FGF12: variants seen among roughly 807,000 people sequenced by gnomAD.
FGF12 encodes fibroblast growth factor 12B.
FGF12 carries 14 observed loss-of-function variants against 23.6 expected under a neutral mutation model. That is an observed-to-expected ratio of 0.59 (90% CI 0.39 to 0.93). The LOEUF is 0.93. Ranked by LOEUF, FGF12 falls within the 40% of genes least tolerant of loss-of-function variation. FGF12 has a pLI of 0.00. For synonymous variants in FGF12, 62 were observed against 77.3 expected, an observed-to-expected ratio of 0.80 and a Z score of 1.04; for missense variants, 175 against 217.8, an observed-to-expected ratio of 0.80 and a Z score of 1.24.
intron 2 of FGF12, among the ~76,000 whole-genome samples, chr3:192,627,298 T>C (rs1412297881): frequency 1.3e-5 from 2 of 152,028 alleles, no homozygotes; most frequent in Non-Finnish European, 2.9e-5. Flanking sequence ...ACAAATATAG[T>C]TGGAAAATAT....
intron 2 of FGF12, among the ~76,000 whole-genome samples, chr3:192,434,043 G>T (rs1049198694): frequency 1.3e-5 from 2 of 152,180 alleles, no homozygotes; most frequent in Non-Finnish European, 2.9e-5. Context: ...GCCAAAACTG[G>T]CAATGACGAA....
At position 192,437,719 on chromosome 3, in the gene FGF12, CAAA is replaced by C. The variant is rs371838869; in HGVS notation, c.14-77184_14-77182del. Among the ~76,000 whole-genome samples the C allele has an allele frequency of 7.8e-4, 98 of 125,522 alleles. 2 individuals are homozygous for C. Among genetic ancestry groups the C allele is most frequent in the African/African-American group, 3.0e-3 (90 of 29,938 alleles). 82.3% of individuals were successfully genotyped at this position (125,522 alleles called of 152,430 possible). The stretch of plus-strand genomic sequence containing the variant: ...AAACAACAACAACAAAACAAACAAA[CAAA>C]AAAAAAAACAGTGAGCAAATTACTT... On this transcript the variant is annotated intron_variant, in intron 2 of 5. Coordinates refer to ENST00000445105, the MANE Select transcript of FGF12 (RefSeq NM_004113.6).
At chr3:192,690,504 T>C (rs1717906834) in intron 2 of FGF12, among the ~76,000 whole-genome samples, 1 of 147,978 alleles carries the variant, frequency 6.8e-6, no homozygotes, top group African/African-American at 2.5e-5. Context: ...TAAAATGTTT[T>C]ACATAAGCTT....
chr3:192,511,089 T>A, intron 2 of FGF12, among the ~76,000 whole-genome samples: 1 of 152,152 alleles, frequency 6.6e-6, no homozygotes, highest in East Asian at 1.9e-4. Context: ...AGGCATCTGA[T>A]AATCCTTCAG....
intron 2 of FGF12, among the ~76,000 whole-genome samples, chr3:192,692,664 C>T (rs995124949): frequency 1.3e-5 from 2 of 150,952 alleles, no homozygotes; most frequent in Admixed American, 1.3e-4. Context: ...TAAGATCACA[C>T]CACTATAATC....
At chr3:192,625,325 A>T (rs1378932198) in intron 2 of FGF12, among the ~76,000 whole-genome samples, 1 of 152,082 alleles carries the variant, frequency 6.6e-6, no homozygotes, top group Admixed American at 6.5e-5. Context: ...GAGTCAATAG[A>T]GTGTGTTATA....
intron 2 of FGF12, among the ~76,000 whole-genome samples, chr3:192,605,554 G>C (rs1463518758): frequency 6.6e-6 from 1 of 152,038 alleles, no homozygotes; most frequent in African/African-American, 2.4e-5. Context: ...AGAGTAAACA[G>C]ACAACCTACA....
At position 192,409,077 on chromosome 3, in the gene FGF12, GGGAGGGCGCGAGGGAGGGA is replaced by G; in HGVS notation, c.14-48558_14-48540del. 1 of 767,732 alleles carries G rather than the reference GGGAGGGCGCGAGGGAGGGA, an allele frequency of 1.3e-6. No homozygotes were observed. The highest frequency in any genetic ancestry group is 1.6e-6 in the Non-Finnish European group (1 of 631,528). The allele number at this position is 767,732 out of a possible 1,614,324, so 47.6% of individuals were successfully genotyped here. A position where few individuals can be genotyped will look rare whatever the true frequency, so the allele number is the denominator to read the frequency against. On this transcript the variant is annotated intron_variant, in intron 2 of 5. Coordinates refer to ENST00000445105, the MANE Select transcript of FGF12 (RefSeq NM_004113.6). The surrounding 1 kb of genome is among the most constrained non-coding windows in gnomAD (Gnocchi z 4.8). ...AAAGAGAGCGGGAGGCGAGGGAGGG[GGGAGGGCGCGAGGGAGGGA>G]GGGAGATCCTCGAGGGCCAAGCACC... is the stretch of plus-strand genomic sequence containing the variant.
chr3:192,716,958 A>G (rs750277367), intron 2 of FGF12, among the ~76,000 whole-genome samples: 2 of 152,188 alleles, frequency 1.3e-5, no homozygotes, highest in Admixed American at 6.5e-5. Flanking sequence ...CCCAATGCTT[A>G]ATTAAGCCCC....
intron 2 of FGF12, among the ~76,000 whole-genome samples, chr3:192,387,562 A>G (rs1398824770): frequency 6.6e-6 from 1 of 152,082 alleles, no homozygotes; most frequent in African/African-American, 2.4e-5. Flanking sequence ...ACAATAACAA[A>G]ACAGTTTGGA....
At chr3:192,403,460 G>A (rs73064244) in intron 2 of FGF12, among the ~76,000 whole-genome samples, 7,153 of 151,860 alleles carry the variant, frequency 0.047, 540 homozygotes, top group African/African-American at 0.16. Context: ...AGAATGCACT[G>A]CTGTAGAGAG....
chr3:192,323,640 A>G (rs1009854508), intron 4 of FGF12, among the ~76,000 whole-genome samples: 1 of 152,230 alleles, frequency 6.6e-6, no homozygotes, highest in Non-Finnish European at 1.5e-5. Context: ...CAAACGTTTG[A>G]TAGCCCAACA....
chr3:192,620,074 C>A (rs1714914204), intron 2 of FGF12, among the ~76,000 whole-genome samples: 1 of 152,004 alleles, frequency 6.6e-6, no homozygotes, highest in African/African-American at 2.4e-5. Flanking sequence ...TATTCAAATC[C>A]CCCACAACAC....
At chr3:192,306,005 C>T (rs1217719453) in intron 4 of FGF12, among the ~76,000 whole-genome samples, 2 of 151,604 alleles carry the variant, frequency 1.3e-5, no homozygotes, top group African/African-American at 4.8e-5. Flanking sequence ...GGACTACAGG[C>T]GCCTGCCAAC....
rs575096715 is a variant in FGF12, at chr3:192,330,473, G to T, written c.228+4888C>A. 1.9e-4 allele frequency among the ~76,000 whole-genome samples: 29 copies of T among 152,220 alleles called. 1 individual carries two copies. In the South Asian group the frequency reaches 4.3e-3, roughly 23 times the overall value. The stretch of plus-strand genomic sequence containing the variant: ...CAACAAGATTACACAATGGAGAAAG[G>T]TTAGCCTCTCAACAAGTGGTGTTGG... On this transcript the variant is annotated intron_variant, in intron 4 of 5. Transcript: ENST00000445105.
intron 4 of FGF12, among the ~76,000 whole-genome samples, chr3:192,248,347 T>C (rs1165659950): frequency 6.6e-6 from 1 of 152,238 alleles, no homozygotes. Context: ...ATATTCTCCA[T>C]GCAGCTGCTT....
chr3:192,321,309 CAA>C (rs977994534), intron 4 of FGF12, among the ~76,000 whole-genome samples: 1 of 151,888 alleles, frequency 6.6e-6, no homozygotes, highest in Non-Finnish European at 1.5e-5. Context: ...GAAGCTGTAA[CAA>C]AAAGTCTCCC....
intron 4 of FGF12, among the ~76,000 whole-genome samples, chr3:192,208,112 G>A (rs1717745683): frequency 6.6e-6 from 1 of 152,090 alleles, no homozygotes. Flanking sequence ...AGAAAGTCAA[G>A]AAAATCCTAA....
intron 5 of FGF12, among the ~76,000 whole-genome samples, chr3:192,167,773 T>TATATATATAA (rs1560175832): frequency 1.6e-4 from 2 of 12,564 alleles, no homozygotes; most frequent in Admixed American, 1.1e-3. Context: ...ATATATAAAA[T>TATATATATAA]TTTTTTTTTT....
Sources: gnomAD v4.1 joint callset for allele counts (sites outside exome capture counted in the v4.1 genomes callset) on GRCh38, gnomAD v4.1.1 for gene constraint, Gnocchi (gnomAD v3.1) non-coding constraint, MANE v1.5 for transcripts, NCBI Gene and HGNC (gene_info 2026-07-23, HGNC 2026-07-21) for gene names.